GRM7: variants seen among roughly 807,000 people sequenced by gnomAD.
GRM7 encodes the protein glutamate metabotropic receptor 7.
In GRM7, 35 loss-of-function variants were observed where a neutral mutation model predicts 84.5. That is an observed-to-expected ratio of 0.41 (90% CI 0.32 to 0.55). The LOEUF (loss-of-function observed/expected upper bound fraction) is 0.55. Among genes scored for constraint, GRM7 ranks in the 20% least tolerant of loss-of-function variants. The pLI, the probability that GRM7 is intolerant of heterozygous loss-of-function variation, is 0.19. For synonymous variants in GRM7, 487 were observed against 455.1 expected (o/e 1.07, Z -0.89); for missense variants, 1,003 against 1,194.6 (o/e 0.84, Z 2.36).
chr3:6,981,712 G>A (rs768577256), intron 1 of GRM7, among the ~76,000 whole-genome samples: 14 of 152,022 alleles, frequency 9.2e-5, no homozygotes, highest in Non-Finnish European at 2.1e-4. Flanking sequence ...CATTATTAAT[G>A]ATCAGAGAAA....
At chr3:7,110,585 ACT>A (rs1461755186) in intron 1 of GRM7, among the ~76,000 whole-genome samples, 1 of 128,026 alleles carries the variant, frequency 7.8e-6, no homozygotes, top group Admixed American at 7.5e-5. Context: ...AGAGAGCGAT[ACT>A]CTGTCACACA....
chr3:7,161,547 T>C (rs924746758), intron 2 of GRM7, among the ~76,000 whole-genome samples: 1 of 152,152 alleles, frequency 6.6e-6, no homozygotes, highest in African/African-American at 2.4e-5. Context: ...ACAAGTAAGA[T>C]ACCTAATGCA....
chr3:6,997,107 A>G (rs1018457720), intron 1 of GRM7, among the ~76,000 whole-genome samples: 2 of 152,202 alleles, frequency 1.3e-5, no homozygotes, highest in Non-Finnish European at 2.9e-5. Flanking sequence ...TAATATGGAT[A>G]CGCTGAATTA....
chr3:7,381,517 A>T (rs548938962), intron 4 of GRM7, among the ~76,000 whole-genome samples: 1 of 152,274 alleles, frequency 6.6e-6, no homozygotes, highest in African/African-American at 2.4e-5. Flanking sequence ...ATATAAATAT[A>T]AACTAAGTTT....
intron 7 of GRM7, among the ~76,000 whole-genome samples, chr3:7,550,371 TTCTC>T (rs1305305738): frequency 7.1e-6 from 1 of 141,032 alleles, no homozygotes; most frequent in African/African-American, 2.6e-5. Context: ...CTTCCTTCCT[TTCTC>T]TCTCTTCCTT....
intron 2 of GRM7, among the ~76,000 whole-genome samples, chr3:7,165,139 T>C (rs1293762001): frequency 6.6e-6 from 1 of 152,254 alleles, no homozygotes; most frequent in African/African-American, 2.4e-5. Flanking sequence ...GGGAGCATTT[T>C]CCAAGTTTGT....
At chr3:7,712,960 T>C (rs1262244027) in intron 9 of GRM7, among the ~76,000 whole-genome samples, 1 of 152,012 alleles carries the variant, frequency 6.6e-6, no homozygotes, top group Non-Finnish European at 1.5e-5. Flanking sequence ...CCTCTGTGTC[T>C]ACCTGCCTGT....
At chr3:7,286,410 G>A (rs1457140234) in intron 2 of GRM7, among the ~76,000 whole-genome samples, 6 of 152,130 alleles carry the variant, frequency 3.9e-5, no homozygotes, top group African/African-American at 1.4e-4. Flanking sequence ...TTTCTTGTGG[G>A]TATTGCTCTG....
intron 7 of GRM7, among the ~76,000 whole-genome samples, chr3:7,516,890 A>G (rs1575440556): frequency 6.6e-6 from 1 of 152,338 alleles, no homozygotes; most frequent in Non-Finnish European, 1.5e-5. Flanking sequence ...GTGAATTATT[A>G]TAGGAATCTA....
intron 1 of GRM7, among the ~76,000 whole-genome samples, chr3:7,045,714 A>T (rs1366439379): frequency 6.6e-6 from 1 of 152,084 alleles, no homozygotes; most frequent in Admixed American, 6.6e-5. Flanking sequence ...AGATAGCAAG[A>T]TCTCCATTTT....
chr3:7,143,442 T>G (rs1276735321), intron 1 of GRM7, among the ~76,000 whole-genome samples: 2 of 152,080 alleles, frequency 1.3e-5, no homozygotes, highest in East Asian at 3.9e-4. Context: ...ATTCATAGTG[T>G]CAAAATAAGT....
At chr3:7,144,300 T>C (rs561978222) in intron 1 of GRM7, among the ~76,000 whole-genome samples, 1 of 152,278 alleles carries the variant, frequency 6.6e-6, no homozygotes, top group South Asian at 2.1e-4. Context: ...AATAATACTA[T>C]AATATAGTCT....
At chr3:7,269,450 C>T (rs992532946) in intron 2 of GRM7, among the ~76,000 whole-genome samples, 1 of 152,130 alleles carries the variant, frequency 6.6e-6, no homozygotes, top group African/African-American at 2.4e-5. Flanking sequence ...CTGAACCCCC[C>T]CCCCAGAGAG....
intron 1 of GRM7, among the ~76,000 whole-genome samples, chr3:7,021,163 AC>A (rs1370181823): frequency 6.6e-6 from 1 of 152,110 alleles, no homozygotes; most frequent in Non-Finnish European, 1.5e-5. Context: ...AAATTGATCA[AC>A]CCTTTATTTC....
chr3:7,603,947 G>A (rs1446837932), intron 8 of GRM7, among the ~76,000 whole-genome samples: 1 of 152,088 alleles, frequency 6.6e-6, no homozygotes, highest in Admixed American at 6.6e-5. Context: ...ACAAAAGTTG[G>A]CTTTTGCCTT....
At chr3:7,174,575 T>C (rs1695084700) in intron 2 of GRM7, among the ~76,000 whole-genome samples, 2 of 152,236 alleles carry the variant, frequency 1.3e-5, no homozygotes, top group Admixed American at 6.5e-5. Flanking sequence ...TATTTCTAGT[T>C]GTTGTCCAAT....
intron 2 of GRM7, among the ~76,000 whole-genome samples, chr3:7,275,065 A>G (rs1699003820): frequency 6.6e-6 from 1 of 152,016 alleles, no homozygotes; most frequent in African/African-American, 2.4e-5. Flanking sequence ...TTCCTCAGCC[A>G]CTTCCAGTCT....
At chr3:7,271,419 C>A (rs1459237611) in intron 2 of GRM7, among the ~76,000 whole-genome samples, 1 of 151,688 alleles carries the variant, frequency 6.6e-6, no homozygotes, top group African/African-American at 2.4e-5. Context: ...ATTAGCCGGG[C>A]GTGGTGGCGG....
At chr3:7,171,618 C>T (rs1366765002) in intron 2 of GRM7, among the ~76,000 whole-genome samples, 2 of 152,172 alleles carry the variant, frequency 1.3e-5, no homozygotes, top group Admixed American at 6.6e-5. Context: ...AAATCACTCT[C>T]TAAGATGGCA....
Sources: gnomAD v4.1 joint callset for allele counts (sites outside exome capture counted in the v4.1 genomes callset) on GRCh38, gnomAD v4.1.1 for gene constraint, MANE v1.5 for transcripts, NCBI Gene and HGNC (gene_info 2026-07-23, HGNC 2026-07-21) for gene names.